The following BMPR1B variants were observed in gnomAD, a reference collection of about 807,000 sequenced individuals.
BMPR1B encodes bone morphogenetic protein receptor type 1B.
In BMPR1B, 12 loss-of-function variants were observed where a neutral mutation model predicts 59.1. That is an observed-to-expected ratio of 0.20 (90% CI 0.13 to 0.33). The LOEUF (loss-of-function observed/expected upper bound fraction) is 0.33. Among genes scored for constraint, BMPR1B ranks in the 10% least tolerant of loss-of-function variants. BMPR1B has a pLI of 1.00. For synonymous variants in BMPR1B, 237 were observed against 207.3 expected (o/e 1.14, Z -1.23); for missense variants, 550 against 610.9 (o/e 0.90, Z 1.05).
rs115985954 is a variant in BMPR1B at position 94,834,567 on chromosome 4, A to G, written c.-182-41264A>G. On this transcript the variant is annotated intron_variant, in intron 1 of 12. Transcript: ENST00000515059. Reference sequence around the variant, plus strand: ...GGGAAGCCTTCTCTACAACTTTGACATAGGCAGTGAATAAACTGATTGATA... The same window carrying G: ...GGGAAGCCTTCTCTACAACTTTGACGTAGGCAGTGAATAAACTGATTGATA... 6.6e-3 allele frequency among the ~76,000 whole-genome samples: 1,007 copies of G among 152,142 alleles called. 10 individuals are homozygous for G. Among genetic ancestry groups the G allele is most frequent in the African/African-American group, 0.023 (939 of 41,490 alleles).
intron 1 of BMPR1B, among the ~76,000 whole-genome samples, chr4:94,812,069 G>T (rs1723838347): frequency 6.6e-6 from 1 of 152,038 alleles, no homozygotes. Flanking sequence ...TTTCTTCCAG[G>T]TTATGTGGTC....
intron 2 of BMPR1B, among the ~76,000 whole-genome samples, chr4:94,980,765 T>G (rs1350272843): frequency 6.6e-6 from 1 of 152,164 alleles, no homozygotes; most frequent in Non-Finnish European, 1.5e-5. Flanking sequence ...TACAAATCAT[T>G]GTCAAATCAA....
intron 2 of BMPR1B, among the ~76,000 whole-genome samples, chr4:94,944,641 T>A (rs896459809): frequency 3.3e-5 from 5 of 152,152 alleles, no homozygotes; most frequent in Admixed American, 6.5e-5. Flanking sequence ...GACGGTGAAA[T>A]GATGATGATG....
chr4:94,937,375 GT>G (rs1394283477), intron 2 of BMPR1B, among the ~76,000 whole-genome samples: 1 of 152,112 alleles, frequency 6.6e-6, no homozygotes, highest in Non-Finnish European at 1.5e-5. Flanking sequence ...CCCTTAAAAT[GT>G]TTGTTTACAT....
chr4:94,859,091 G>A (rs1260821774), intron 1 of BMPR1B, among the ~76,000 whole-genome samples: 1 of 152,138 alleles, frequency 6.6e-6, no homozygotes, highest in Non-Finnish European at 1.5e-5. Flanking sequence ...AAGTGATTTA[G>A]ATGCTTGCCT....
At chr4:95,052,383 A>C (rs1726568496) in intron 3 of BMPR1B, among the ~76,000 whole-genome samples, 2 of 152,366 alleles carry the variant, frequency 1.3e-5, no homozygotes, top group South Asian at 4.1e-4. Context: ...TGAATTAAAC[A>C]GTAATTTTAA....
Position 94,844,223 on chromosome 4 carries a change from T to TTGTGTGTGTGTGTG in BMPR1B, c.-182-31587_-182-31574dup, listed in dbSNP as rs150471976. Among the ~76,000 whole-genome samples, 17 of 146,658 alleles carry TTGTGTGTGTGTGTG rather than the reference T, an allele frequency of 1.2e-4. No individual in the cohort carries two copies. The East Asian group carries it at 2.6e-3, about 23-fold the overall frequency. The stretch of plus-strand genomic sequence containing the variant: ...GTAGCCATTCTATTCTGAATCATCT[T>TTGTGTGTGTGTGTG]TGTGTGTGTGTGTGTGTGTGTGTGT... On this transcript the variant is annotated intron_variant, in intron 1 of 12. Coordinates refer to ENST00000515059, the MANE Select transcript of BMPR1B (RefSeq NM_001203.3).
rs529262729 is a variant in BMPR1B, at chr4:95,015,205, C to CGAAA, written c.-18+19080_-18+19083dup. ...CTGTGGTGATCTTCACTGACACACA[C>CGAAA]GAAAGAAAGAAAAGAAAAATGATCA... On this transcript the variant is annotated intron_variant, in intron 3 of 12. Coordinates refer to ENST00000515059, the MANE Select transcript of BMPR1B (RefSeq NM_001203.3). 3.3e-3 allele frequency among the ~76,000 whole-genome samples: 506 copies of CGAAA among 151,638 alleles called. 2 individuals are homozygous for CGAAA. Among genetic ancestry groups the CGAAA allele is most frequent in the African/African-American group, 0.012 (480 of 41,304 alleles).
chr4:94,803,454 G>C (rs1228612108), intron 1 of BMPR1B, among the ~76,000 whole-genome samples: 1 of 152,200 alleles, frequency 6.6e-6, no homozygotes, highest in South Asian at 2.1e-4. Flanking sequence ...GCTCCGGTGA[G>C]TAGGGTGGGA....
intron 10 of BMPR1B, among the ~76,000 whole-genome samples, chr4:95,133,470 A>T (rs1242723314): frequency 6.6e-6 from 1 of 152,144 alleles, no homozygotes; most frequent in African/African-American, 2.4e-5. Context: ...TCATACCATC[A>T]AGTGTTTATA....
chr4:95,143,345 C>A lies in BMPR1B; in HGVS notation c.1077-5403C>A, dbSNP rs1439687615. Among the ~76,000 whole-genome samples the A allele has an allele frequency of 3.3e-5, 5 of 152,206 alleles. No individual in the cohort carries two copies. In the South Asian group the frequency reaches 8.3e-4, roughly 25 times the overall value. On this transcript the variant is annotated intron_variant, in intron 10 of 12. Transcript: ENST00000515059. ...TCAGTGGCTAAAATATGTCTCCTGG[C>A]AGAGTGAGTGGCTCCCATCACCCCC...
intron 2 of BMPR1B, among the ~76,000 whole-genome samples, chr4:94,925,656 T>C (rs1728856552): frequency 6.6e-6 from 1 of 152,092 alleles, no homozygotes; most frequent in Admixed American, 6.6e-5. Context: ...AAAATCCACA[T>C]GTAAAGAAAA....
chr4:95,018,613 A>G (rs1185915892), intron 3 of BMPR1B, among the ~76,000 whole-genome samples: 1 of 152,174 alleles, frequency 6.6e-6, no homozygotes, highest in African/African-American at 2.4e-5. Flanking sequence ...CCTGTGAAAT[A>G]CTGAGTGTCC....
intron 2 of BMPR1B, among the ~76,000 whole-genome samples, chr4:94,963,100 T>A (rs1730431673): frequency 6.6e-6 from 1 of 152,218 alleles, no homozygotes; most frequent in Non-Finnish European, 1.5e-5. Flanking sequence ...AAAATATATC[T>A]GTTGGACATT....
chr4:95,123,777 C>T (rs1732702162), intron 6 of BMPR1B, 33 bp from the exon 7 acceptor site: 1 of 1,482,130 alleles, frequency 6.7e-7, no homozygotes, highest in Non-Finnish European at 9.4e-7. Context: ...AAAATATTCT[C>T]TTGATTATGG....
At chr4:95,101,980 T>G (rs1407583766) in intron 3 of BMPR1B, among the ~76,000 whole-genome samples, 1 of 152,186 alleles carries the variant, frequency 6.6e-6, no homozygotes, top group African/African-American at 2.4e-5. Context: ...TAGAATACCC[T>G]GTAAGTAAAA....
At chr4:94,802,987 C>A (rs373408751) in intron 1 of BMPR1B, among the ~76,000 whole-genome samples, 38 of 152,192 alleles carry the variant, frequency 2.5e-4, no homozygotes, top group African/African-American at 7.5e-4. Context: ...CTGTTCCTCA[C>A]CCTTCTCTCT....
chr4:95,022,774 A>G, intron 3 of BMPR1B, among the ~76,000 whole-genome samples: 1 of 152,184 alleles, frequency 6.6e-6, no homozygotes, highest in Middle Eastern at 3.2e-3. Context: ...ATGAGACATT[A>G]TAAAATGGTA....
At position 94,833,319 on chromosome 4, in the gene BMPR1B, A is replaced by G. The variant is rs867280802; in HGVS notation, c.-182-42512A>G. Among the ~76,000 whole-genome samples the G allele has an allele frequency of 1.1e-4, 16 of 152,302 alleles. No individual in the cohort carries two copies. The South Asian group carries it at 1.9e-3, about 18-fold the overall frequency. On this transcript the variant is annotated intron_variant, in intron 1 of 12. Transcript: ENST00000515059. The stretch of plus-strand genomic sequence containing the variant: ...GGCACATAGTAGATAATCAGTAAAT[A>G]TTAGCAATTACCATTTTTCATTTGA...
Sources: allele counts gnomAD v4.1 joint callset (sites outside exome capture counted in the v4.1 genomes callset), GRCh38; gene constraint gnomAD v4.1.1; transcripts MANE v1.5; gene names NCBI Gene and HGNC (gene_info 2026-07-23, HGNC 2026-07-21).